The following TSNARE1 variants were observed in gnomAD, a reference collection of about 807,000 sequenced individuals.
TSNARE1 encodes the protein t-SNARE domain-containing protein 1.
A neutral mutation model predicts 62.0 loss-of-function variants in TSNARE1; 49 were observed. The ratio of observed to expected loss-of-function variants is 0.79; its 90% CI spans 0.63 to 1.00. The LOEUF (loss-of-function observed/expected upper bound fraction) is 1.00, where lower values mean the gene tolerates loss of function less well. Ranked by LOEUF, TSNARE1 falls within the 50% of genes least tolerant of loss-of-function variation. The pLI, the probability that TSNARE1 is intolerant of heterozygous loss-of-function variation, is 0.00. For synonymous variants in TSNARE1, 328 were observed against 294.4 expected, an observed-to-expected ratio of 1.11 and a Z score of -1.17; for missense variants, 755 against 700.1, an observed-to-expected ratio of 1.08 and a Z score of -0.88.
At chr8:142,329,245 G>A (rs966235710) in intron 6 of TSNARE1, among the ~76,000 whole-genome samples, 10 of 152,242 alleles carry the variant, frequency 6.6e-5, no homozygotes, top group East Asian at 1.9e-4. Flanking sequence ...GCACTAAGGC[G>A]AGTTTCCAGA....
Position 142,274,770 on chromosome 8 carries a change from C to G in TSNARE1, c.1446+11G>C. Reference sequence around the variant, plus strand: ...GGCCGGCCGGGCACTGTGGCCCTCACACGGACTTACTTGGTGCCGGCTGGC... The same window carrying G: ...GGCCGGCCGGGCACTGTGGCCCTCAGACGGACTTACTTGGTGCCGGCTGGC... On this transcript the variant is annotated intron_variant, in intron 12 of 13. Transcript: ENST00000524325. The G allele has an allele frequency of 6.5e-7, 1 of 1,547,994 alleles. No individual in the cohort carries two copies. The highest frequency in any genetic ancestry group is 8.7e-7 in the Non-Finnish European group (1 of 1,147,286).
At chr8:142,293,137 G>A (rs538322414) in intron 10 of TSNARE1, among the ~76,000 whole-genome samples, 119 of 152,236 alleles carry the variant, frequency 7.8e-4, no homozygotes, top group African/African-American at 2.4e-3. Context: ...CAGCCGCACC[G>A]CAGGCCATCA....
chr8:142,316,527 G>A (rs575297150), intron 7 of TSNARE1, among the ~76,000 whole-genome samples: 1 of 151,654 alleles, frequency 6.6e-6, no homozygotes, highest in Non-Finnish European at 1.5e-5. Flanking sequence ...ATTTAGATCT[G>A]ATAAAATCTA....
chr8:142,352,125 C>T (rs768106513), intron 2 of TSNARE1, among the ~76,000 whole-genome samples: 7 of 152,362 alleles, frequency 4.6e-5, no homozygotes, highest in Non-Finnish European at 7.4e-5. Flanking sequence ...CCGGCCCGGC[C>T]TGGATTGGGC....
intron 6 of TSNARE1, chr8:142,326,311 G>A (rs1254635154): frequency 1.4e-5 from 2 of 140,108 alleles, no homozygotes. Flanking sequence ...ACCAACGAAG[G>A]GGAGGGCCCC....
At chr8:142,324,796 C>A (rs1218923378) in intron 6 of TSNARE1, among the ~76,000 whole-genome samples, 1 of 152,238 alleles carries the variant, frequency 6.6e-6, no homozygotes, top group Non-Finnish European at 1.5e-5. Flanking sequence ...GTGACACACT[C>A]GCCCTGGAAG....
At chr8:142,359,749 G>T (rs1286372944) in intron 1 of TSNARE1, among the ~76,000 whole-genome samples, 1 of 152,170 alleles carries the variant, frequency 6.6e-6, no homozygotes, top group Admixed American at 6.5e-5. Flanking sequence ...TGTGAGGCAG[G>T]ACTTATAACC....
chr8:142,271,972 T>C (rs1819612950), intron 12 of TSNARE1, among the ~76,000 whole-genome samples: 1 of 151,742 alleles, frequency 6.6e-6, no homozygotes, highest in Admixed American at 6.6e-5. Context: ...CTTGTATTCA[T>C]CCTCCCACCG....
At chr8:142,294,356 G>A (rs958378807) in intron 10 of TSNARE1, among the ~76,000 whole-genome samples, 1 of 152,174 alleles carries the variant, frequency 6.6e-6, no homozygotes, top group African/African-American at 2.4e-5. Context: ...TGTCCTTCAC[G>A]CCCTCACCCA....
At chr8:142,274,232 G>A in intron 12 of TSNARE1, 1 of 985,440 alleles carries the variant, frequency 1.0e-6, no homozygotes, top group Non-Finnish European at 1.2e-6. Context: ...CATCTCAGCT[G>A]GGCCACAGTC....
chr8:142,242,849 C>T (rs1166302701), intron 12 of TSNARE1, among the ~76,000 whole-genome samples: 4 of 147,816 alleles, frequency 2.7e-5, no homozygotes, highest in Non-Finnish European at 5.9e-5. Context: ...GTAATCCCAG[C>T]TACTCAGGAG....
intron 4 of TSNARE1, among the ~76,000 whole-genome samples, chr8:142,342,114 G>A (rs1048392638): frequency 1.3e-5 from 2 of 152,230 alleles, no homozygotes; most frequent in East Asian, 1.9e-4. Flanking sequence ...TCCCACTGAC[G>A]GCCAAAGAGG....
At chr8:142,238,774 C>CCTGCACGCCCGCCT (rs1252111334) in intron 12 of TSNARE1, among the ~76,000 whole-genome samples, 1 of 150,938 alleles carries the variant, frequency 6.6e-6, no homozygotes, top group Non-Finnish European at 1.5e-5. Context: ...CACGCCCGCC[C>CCTGCACGCCCGCCT]CTGCACACCT....
chr8:142,217,348 AAAG>A (rs1563750334), intron 13 of TSNARE1, among the ~76,000 whole-genome samples: 1 of 139,738 alleles, frequency 7.2e-6, no homozygotes. Context: ...AGAAAGAAAG[AAAG>A]AAAGAAAGAA....
At chr8:142,306,618 C>G (rs980054070) in intron 9 of TSNARE1, among the ~76,000 whole-genome samples, 8 of 152,244 alleles carry the variant, frequency 5.3e-5, no homozygotes, top group Non-Finnish European at 1.0e-4. Context: ...AAGTGCCCCT[C>G]GCACCTGCCA....
intron 1 of TSNARE1, among the ~76,000 whole-genome samples, chr8:142,362,894 G>T (rs1835267491): frequency 6.6e-6 from 1 of 152,164 alleles, no homozygotes; most frequent in South Asian, 2.1e-4. Flanking sequence ...AATCTCAGAG[G>T]GTGGGTGTGA....
intron 11 of TSNARE1, among the ~76,000 whole-genome samples, chr8:142,279,191 C>T (rs1468126034): frequency 6.6e-6 from 1 of 152,246 alleles, no homozygotes; most frequent in South Asian, 2.1e-4. Context: ...CCTGCTGGGA[C>T]CCACTGGTTT....
chr8:142,341,999 T>C (rs1395678900), intron 4 of TSNARE1, among the ~76,000 whole-genome samples: 1 of 152,096 alleles, frequency 6.6e-6, no homozygotes. Context: ...CCACCTACAA[T>C]AGGGGCTGAC....
intron 4 of TSNARE1, among the ~76,000 whole-genome samples, chr8:142,343,723 C>T (rs933247540): frequency 7.2e-6 from 1 of 138,942 alleles, no homozygotes; most frequent in African/African-American, 2.8e-5. Flanking sequence ...TGAACAAGAA[C>T]ACTCCAGATG....
Sources: gnomAD v4.1 joint callset for allele counts (sites outside exome capture counted in the v4.1 genomes callset) on GRCh38, gnomAD v4.1.1 for gene constraint, MANE v1.5 for transcripts, NCBI Gene and HGNC (gene_info 2026-07-23, HGNC 2026-07-21) for gene names.